GRAMD4: variants seen among roughly 807,000 people sequenced by gnomAD.
The protein encoded by GRAMD4 is GRAM domain-containing protein 4.
In GRAMD4, 25 loss-of-function variants were observed where a neutral mutation model predicts 83.9. The ratio of observed to expected loss-of-function variants is 0.30; its 90% CI spans 0.22 to 0.42. The LOEUF (loss-of-function observed/expected upper bound fraction) is 0.42. Among genes scored for constraint, GRAMD4 ranks in the 10% least tolerant of loss-of-function variants. GRAMD4 has a pLI of 1.00. For missense variants in GRAMD4, 593 were observed against 788.7 expected, an observed-to-expected ratio of 0.75 and a Z score of 2.97; for synonymous variants, 336 against 320.9, an observed-to-expected ratio of 1.05 and a Z score of -0.50.
chr22:46,603,545 C>T (rs151080309), intron 1 of GRAMD4, among the ~76,000 whole-genome samples: 6,107 of 86,928 alleles, frequency 0.07, 531 homozygotes, highest in African/African-American at 0.22. Flanking sequence ...GAGATGGAGT[C>T]TCACTCTGTC....
At chr22:46,616,605 G>C (rs1601566576), upstream of GRAMD4, among the ~76,000 whole-genome samples, 2 of 127,882 alleles carry the variant, frequency 1.6e-5, no homozygotes, top group African/African-American at 3.1e-5. Flanking sequence ...CCTGTGTGTA[G>C]GTTCCCCTGT....
chr22:46,629,845 C>T (rs2081739129), intron 2 of GRAMD4, among the ~76,000 whole-genome samples: 1 of 152,224 alleles, frequency 6.6e-6, no homozygotes, highest in African/African-American at 2.4e-5. Flanking sequence ...AGCTGCCAGC[C>T]TGCTTTCTGT....
Position 46,672,994 on chromosome 22 carries a change from C to T in GRAMD4, c.1236C>T (p.Arg412=). ...LKERSSAAVS[R]RLQTTSSRSY... ...AGCGCTCCAGCGCCGCAGTCTCACG[C>T]AGGGTGAGCCCGGCCCCCAGCTGCG... Residue 412 remains arginine, a synonymous_variant, in exon 14 of 19, where the codon CGC becomes CGT. Transcript: ENST00000406902. The surrounding 1 kb of genome is among the most constrained non-coding windows in gnomAD (Gnocchi z 4.7). The T allele has an allele frequency of 6.3e-7, 1 of 1,592,898 alleles. No individual in the cohort carries two copies. Among genetic ancestry groups the T allele is most frequent in the Non-Finnish European group, 8.5e-7 (1 of 1,173,926 alleles).
intron 3 of GRAMD4, among the ~76,000 whole-genome samples, chr22:46,653,576 A>G (rs1198942434): frequency 6.6e-6 from 1 of 152,204 alleles, no homozygotes; most frequent in Non-Finnish European, 1.5e-5. Flanking sequence ...AGCTTTGGCC[A>G]GTGCTCTGCC....
intron 3 of GRAMD4, among the ~76,000 whole-genome samples, chr22:46,652,596 C>A (rs1367819884): frequency 6.6e-6 from 1 of 152,214 alleles, no homozygotes; most frequent in Non-Finnish European, 1.5e-5. Flanking sequence ...TTGGCCCTGA[C>A]CTGCAGGGCA....
At chr22:46,668,608 C>T (rs2082448897) in intron 11 of GRAMD4, 81 bp from the exon 12 acceptor site, 4 of 1,338,314 alleles carry the variant, frequency 3.0e-6, no homozygotes, top group Admixed American at 1.7e-5. Flanking sequence ...GCTGCCCGAC[C>T]TGGAGGCCCT....
chr22:46,628,782 G>T (rs1232540853), intron 2 of GRAMD4, among the ~76,000 whole-genome samples: 1 of 152,110 alleles, frequency 6.6e-6, no homozygotes, highest in Non-Finnish European at 1.5e-5. Flanking sequence ...GGGCATCAGG[G>T]ATCCCCTTCG....
Position 46,626,811 on chromosome 22 carries a change from G to T in GRAMD4, c.12G>T (p.Arg4Ser). The T allele has an allele frequency of 1.2e-6, 2 of 1,614,020 alleles. No individual in the cohort carries two copies. The highest frequency in any genetic ancestry group is 2.2e-5 in the South Asian group (2 of 91,074). MLR[R>S]LDKIRFRGHK... is the part of the protein sequence containing the mutation. Reference sequence around the variant, plus strand: ...CCTCAGTGCTGAACATGCTAAGGAGGTTGGACAAAATCAGGTTCAGAGGTC... The same window carrying T: ...CCTCAGTGCTGAACATGCTAAGGAGTTTGGACAAAATCAGGTTCAGAGGTC... The change falls in exon 2 of 19, where the codon AGG (arginine) becomes AGT (serine). Residue 4 changes from arginine (R) to serine (S), a missense_variant. Around this residue, in one of 4 missense-constraint regions of GRAMD4, gnomAD observed 312 missense variants for 350.7 expected, o/e 0.89. Transcript: ENST00000406902.
intron 1 of GRAMD4, among the ~76,000 whole-genome samples, chr22:46,609,537 G>A (rs949864520): frequency 3.3e-5 from 5 of 152,344 alleles, no homozygotes; most frequent in Middle Eastern, 3.4e-3. Flanking sequence ...GTTTACTTCT[G>A]TACTAGATTT....
intron 2 of GRAMD4, among the ~76,000 whole-genome samples, chr22:46,635,757 T>C (rs867278137): frequency 0.062 from 433 of 6,944 alleles, 4 homozygotes; most frequent in Non-Finnish European, 0.08. Flanking sequence ...CCCCCGCCCC[T>C]GGCCACTCCT....
chr22:46,675,298 C>A (rs552277335), intron 16 of GRAMD4, among the ~76,000 whole-genome samples, 170 bp from the exon 17 acceptor site: 1 of 152,170 alleles, frequency 6.6e-6, no homozygotes, highest in Non-Finnish European at 1.5e-5. Flanking sequence ...CCGTGAGTGT[C>A]TCATATAGAG....
chr22:46,591,162 G>T (rs2081203625), intron 1 of GRAMD4, among the ~76,000 whole-genome samples: 1 of 152,218 alleles, frequency 6.6e-6, no homozygotes, highest in South Asian at 2.1e-4. Flanking sequence ...TCAGCCGCGG[G>T]GTCCAGTGTG....
At chr22:46,584,909 G>A (rs999074040) in intron 1 of GRAMD4, among the ~76,000 whole-genome samples, 4 of 152,202 alleles carry the variant, frequency 2.6e-5, no homozygotes, top group African/African-American at 9.7e-5. Context: ...CCGGCGGGAC[G>A]CTTTAGAGCT....
chr22:46,602,059 G>A (rs557227167), intron 1 of GRAMD4, among the ~76,000 whole-genome samples: 2 of 152,210 alleles, frequency 1.3e-5, no homozygotes, highest in Non-Finnish European at 2.9e-5. Context: ...CACGTCGGCG[G>A]TGGGCTCTCC....
At chr22:46,617,836 C>T (rs1262750020), upstream of GRAMD4, among the ~76,000 whole-genome samples, 5 of 152,228 alleles carry the variant, frequency 3.3e-5, no homozygotes, top group South Asian at 6.2e-4. Flanking sequence ...GGGTTCCAGC[C>T]TGACCCTCGT....
At chr22:46,611,394 G>A (rs1290706140) in intron 1 of GRAMD4, among the ~76,000 whole-genome samples, 2 of 152,088 alleles carry the variant, frequency 1.3e-5, no homozygotes, top group Non-Finnish European at 2.9e-5. Context: ...TGGGGCTGTC[G>A]TGGGGTTTAA....
At chr22:46,590,346 A>G (rs2081194576) in intron 1 of GRAMD4, among the ~76,000 whole-genome samples, 1 of 152,038 alleles carries the variant, frequency 6.6e-6, no homozygotes. Context: ...GTTCGGGAGT[A>G]CTGGGGACCT....
chr22:46,670,556 C>G (rs900897074), intron 13 of GRAMD4, among the ~76,000 whole-genome samples: 7 of 152,122 alleles, frequency 4.6e-5, no homozygotes, highest in African/African-American at 1.7e-4. Context: ...CCGCCCTCCA[C>G]GGGGAGCCTG....
intron 1 of GRAMD4, among the ~76,000 whole-genome samples, chr22:46,626,325 C>T (rs1601587116): frequency 6.6e-6 from 1 of 152,244 alleles, no homozygotes; most frequent in Admixed American, 6.5e-5. Flanking sequence ...GCATGGCTGG[C>T]CCTCCTTCCC....
Sources: gnomAD v4.1 joint callset for allele counts (sites outside exome capture counted in the v4.1 genomes callset) on GRCh38, gnomAD v4.1.1 for gene constraint, gnomAD v4.1.1 regional missense constraint, Gnocchi (gnomAD v3.1) non-coding constraint, MANE v1.5 for transcripts, NCBI Gene and HGNC (gene_info 2026-07-23, HGNC 2026-07-21) for gene names.